The following WDPCP variants were observed in gnomAD, a reference collection of about 807,000 sequenced individuals.
WDPCP encodes WD repeat-containing and planar cell polarity effector protein fritz homolog.
Under a neutral mutation model 93.1 loss-of-function variants are expected in WDPCP, and 71 were observed. The ratio of observed to expected loss-of-function variants is 0.76; its 90% CI spans 0.63 to 0.93. The LOEUF (loss-of-function observed/expected upper bound fraction) is 0.93, where lower values mean the gene tolerates loss of function less well. Among genes scored for constraint, WDPCP ranks in the 40% least tolerant of loss-of-function variants. WDPCP has a pLI of 0.00. For missense variants in WDPCP, 844 were observed against 887.4 expected, an observed-to-expected ratio of 0.95 and a Z score of 0.62; for synonymous variants, 315 against 315.0, an observed-to-expected ratio of 1.00 and a Z score of 0.00.
At chr2:63,180,647 G>A (rs1011802970) in intron 14 of WDPCP, among the ~76,000 whole-genome samples, 9 of 152,232 alleles carry the variant, frequency 5.9e-5, no homozygotes, top group East Asian at 1.9e-4. Flanking sequence ...ATAAACATAT[G>A]AGTGTGGGTA....
In WDPCP at chr2:63,698,337, C is replaced by A. The variant is rs142601867; in HGVS notation, n.309-47499G>T. ...CTGGTATGAAGACATGGAGAGAAGTCACATCCTATGGAAAGCTTTCAAAGG... is the reference window on the plus strand; with the variant it reads ...CTGGTATGAAGACATGGAGAGAAGTAACATCCTATGGAAAGCTTTCAAAGG... On this transcript the variant is annotated intron_variant and non_coding_transcript_variant, in intron 2 of 4. Coordinates refer to the WDPCP transcript ENST00000467687. Among the ~76,000 whole-genome samples the A allele has an allele frequency of 4.6e-5, 7 of 152,294 alleles. No homozygotes were observed. The East Asian group carries it at 7.7e-4, about 17-fold the overall frequency.
chr2:63,515,007 C>A (rs1558739414), intron 1 of WDPCP, among the ~76,000 whole-genome samples: 1 of 152,096 alleles, frequency 6.6e-6, no homozygotes, highest in Non-Finnish European at 1.5e-5. Flanking sequence ...GTCTGTAAAT[C>A]ATCACAGTTG....
chr2:63,806,548 G>A (rs375907869), intron 2 of WDPCP, among the ~76,000 whole-genome samples: 33 of 152,214 alleles, frequency 2.2e-4, no homozygotes, highest in African/African-American at 7.7e-4. Flanking sequence ...GAGATCAACC[G>A]GTCTGACCAA....
intron 10 of WDPCP, among the ~76,000 whole-genome samples, chr2:63,390,137 T>C (rs143762999): frequency 3.9e-5 from 6 of 152,294 alleles, no homozygotes; most frequent in African/African-American, 1.2e-4. Context: ...ATTGACGACA[T>C]AATTAGAAGT....
intron 2 of WDPCP, among the ~76,000 whole-genome samples, chr2:63,764,555 G>C (rs955015171): frequency 1.3e-5 from 2 of 152,192 alleles, no homozygotes; most frequent in Non-Finnish European, 2.9e-5. Flanking sequence ...ACCACGCAAA[G>C]AGTAGATATG....
Position 63,530,788 on chromosome 2 carries a change from C to T in WDPCP, c.76-37848G>A, listed in dbSNP as rs149442351. ...CTCCCAGCATGAGCGACACAGAAGACGGGTGATTTCTGCATTTCCAACTGA... is the reference window on the plus strand; with the variant it reads ...CTCCCAGCATGAGCGACACAGAAGATGGGTGATTTCTGCATTTCCAACTGA... On this transcript the variant is annotated intron_variant, in intron 1 of 17. Coordinates refer to ENST00000272321, the MANE Select transcript of WDPCP (RefSeq NM_015910.7). 4.3e-4 allele frequency among the ~76,000 whole-genome samples: 65 copies of T among 152,280 alleles called. No individual in the cohort carries two copies. The East Asian group carries it at 0.012, about 27-fold the overall frequency.
chr2:63,395,509 C>A (rs1693645947), intron 10 of WDPCP, among the ~76,000 whole-genome samples: 1 of 152,122 alleles, frequency 6.6e-6, no homozygotes, highest in South Asian at 2.1e-4. Context: ...ACAGCCATTT[C>A]ACTTAGGATA....
At chr2:63,496,021 T>C (rs898174740) in intron 1 of WDPCP, among the ~76,000 whole-genome samples, 3 of 152,158 alleles carry the variant, frequency 2.0e-5, no homozygotes, top group African/African-American at 7.2e-5. Context: ...CCTCTGACAT[T>C]GAGCATCAAA....
At chr2:63,831,179 A>T (rs1222655101), upstream of WDPCP, among the ~76,000 whole-genome samples, 1 of 151,988 alleles carries the variant, frequency 6.6e-6, no homozygotes, top group Non-Finnish European at 1.5e-5. Context: ...ATATCTCTAA[A>T]CTCTTAAAAA....
upstream of WDPCP, chr2:63,588,882 C>T: frequency 1.1e-6 from 1 of 886,608 alleles, no homozygotes; most frequent in Non-Finnish European, 1.8e-6. Flanking sequence ...GCGCCACAAC[C>T]AGGGCAGCGT....
At chr2:63,309,575 G>A (rs1364476771) in intron 13 of WDPCP, among the ~76,000 whole-genome samples, 3 of 152,136 alleles carry the variant, frequency 2.0e-5, no homozygotes, top group Non-Finnish European at 4.4e-5. Flanking sequence ...ATAATTGCTA[G>A]AAAACCAGAC....
chr2:63,656,748 A>T (rs1710171513), intron 2 of WDPCP, among the ~76,000 whole-genome samples: 1 of 152,276 alleles, frequency 6.6e-6, no homozygotes, highest in South Asian at 2.1e-4. Flanking sequence ...TCATGAACTT[A>T]CATTCAACGT....
intron 17 of WDPCP, among the ~76,000 whole-genome samples, chr2:63,134,914 G>A (rs1260572490): frequency 6.6e-6 from 1 of 152,160 alleles, no homozygotes; most frequent in Non-Finnish European, 1.5e-5. Flanking sequence ...CTTGAACTCA[G>A]GAGGTTGAGA....
intron 17 of WDPCP, among the ~76,000 whole-genome samples, chr2:63,132,493 A>C (rs1574680272): frequency 6.7e-6 from 1 of 149,744 alleles, no homozygotes; most frequent in Middle Eastern, 3.4e-3. Context: ...CCTGCTTGAT[A>C]GTGTCTCTTA....
chr2:63,335,217 A>G (rs899675721), intron 12 of WDPCP, among the ~76,000 whole-genome samples: 21 of 152,154 alleles, frequency 1.4e-4, no homozygotes, highest in Non-Finnish European at 3.1e-4. Flanking sequence ...TTTCACCAAT[A>G]CTTGCCCTTT....
At chr2:63,613,021 TC>T (rs953579743) in intron 3 of WDPCP, among the ~76,000 whole-genome samples, 3 of 152,104 alleles carry the variant, frequency 2.0e-5, no homozygotes, top group African/African-American at 7.2e-5. Context: ...TGACTATTAT[TC>T]CCTGTACCTT....
At chr2:63,126,022 C>T (rs941168893) in intron 17 of WDPCP, among the ~76,000 whole-genome samples, 3 of 151,348 alleles carry the variant, frequency 2.0e-5, no homozygotes, top group African/African-American at 7.3e-5. Flanking sequence ...GCAGCCTTGA[C>T]CTCCGAGGCT....
At chr2:63,468,245 C>T (rs1699476079) in intron 6 of WDPCP, among the ~76,000 whole-genome samples, 1 of 152,152 alleles carries the variant, frequency 6.6e-6, no homozygotes, top group African/African-American at 2.4e-5. Flanking sequence ...CTCCTGCTCC[C>T]TTCTTCATCA....
rs1273256109 is a variant in WDPCP at position 63,373,580 on chromosome 2, TA to T, written c.1748+4805del. On this transcript the variant is annotated intron_variant, in intron 12 of 17. Transcript: ENST00000272321. Reference sequence around the variant, plus strand: ...CCACCTTCTCTGTTTTAGATGTCTTTAAAAAAAAAAAAAAAACTGAGGAAAA... The same window carrying T: ...CCACCTTCTCTGTTTTAGATGTCTTTAAAAAAAAAAAAAAACTGAGGAAAA... Among the ~76,000 whole-genome samples, 327 of 135,772 alleles carry T rather than the reference TA, an allele frequency of 2.4e-3. 2 individuals carry two copies. Among genetic ancestry groups the T allele is most frequent in the East Asian group, 8.0e-3 (38 of 4,762 alleles). The allele number at this position is 135,772 out of a possible 152,430, so 89.1% of individuals were successfully genotyped here.
Sources: allele counts gnomAD v4.1 joint callset (sites outside exome capture counted in the v4.1 genomes callset), GRCh38; gene constraint gnomAD v4.1.1; transcripts MANE v1.5; gene names NCBI Gene and HGNC (gene_info 2026-07-23, HGNC 2026-07-21).